The following HELZ variants were observed in gnomAD, a reference collection of about 807,000 sequenced individuals.
HELZ encodes the protein ATP-dependent RNA helicase with zinc finger domain.
A neutral mutation model predicts 218.2 loss-of-function variants in HELZ; 23 were observed. That is an observed-to-expected ratio of 0.11 (90% CI 0.08 to 0.15). The LOEUF is 0.15. Ranked by LOEUF, HELZ falls within the 10% of genes least tolerant of loss-of-function variation. HELZ has a pLI of 1.00. For synonymous variants in HELZ, 814 were observed against 829.4 expected, an observed-to-expected ratio of 0.98 and a Z score of 0.32; for missense variants, 1,813 against 2,353.7, an observed-to-expected ratio of 0.77 and a Z score of 4.75.
chr17:67,169,017 A>G (rs527426927), intron 13 of HELZ, among the ~76,000 whole-genome samples: 1 of 152,208 alleles, frequency 6.6e-6, no homozygotes, highest in African/African-American at 2.4e-5. Context: ...ACTTGAACCC[A>G]GGAGGTGGAG....
At chr17:67,123,216 A>G in intron 25 of HELZ, 56 bp from the exon 26 acceptor site, 1 of 994,896 alleles carries the variant, frequency 1.0e-6, no homozygotes, top group Non-Finnish European at 1.4e-6. Context: ...TCATCCAGAA[A>G]AAATAATTTA....
intron 3 of HELZ, among the ~76,000 whole-genome samples, chr17:67,234,157 T>C (rs897193759): frequency 2.6e-5 from 4 of 151,018 alleles, no homozygotes; most frequent in African/African-American, 9.7e-5. Context: ...CCCCCATCTC[T>C]ACAAAAAATA....
At chr17:67,189,361 T>C (rs144043942) in intron 11 of HELZ, among the ~76,000 whole-genome samples, 29 of 152,266 alleles carry the variant, frequency 1.9e-4, no homozygotes, top group African/African-American at 5.8e-4. Context: ...AATAAATAAA[T>C]ATGAAAGCAC....
chr17:67,107,503 T>C lies in HELZ; in HGVS notation c.4907A>G (p.Asp1636Gly), dbSNP rs763980717. The change falls in exon 31 of 33, where the codon GAT (aspartate) becomes GGT (glycine). Residue 1636 changes from aspartate (D) to glycine (G), a missense_variant. Around this residue, in one of 4 missense-constraint regions of HELZ, gnomAD observed 938 missense variants for 1,027.5 expected, o/e 0.91. Transcript: ENST00000358691. ...DHSSHFSNFNDNSRDIEVASN... is the reference protein window; with the variant it reads ...DHSSHFSNFNGNSRDIEVASN... ...GGCTACTTCAATGTCTCTGCTGTTA[T>C]CATTAAAGTTAGAAAAGTGGCTACT... 11 of 1,614,044 alleles carry C rather than the reference T, an allele frequency of 6.8e-6. No homozygotes were observed. The highest frequency in any genetic ancestry group is 5.0e-5 in the Admixed American group (3 of 60,010).
At chr17:67,085,012 A>G (rs1163483980) in intron 32 of HELZ, among the ~76,000 whole-genome samples, 1 of 152,164 alleles carries the variant, frequency 6.6e-6, no homozygotes, top group Non-Finnish European at 1.5e-5. Flanking sequence ...AGGCTGAGGC[A>G]GGAGGAATCG....
chr17:67,121,380 C>G (rs1300434224), intron 26 of HELZ, among the ~76,000 whole-genome samples: 1 of 152,166 alleles, frequency 6.6e-6, no homozygotes, highest in Non-Finnish European at 1.5e-5. Flanking sequence ...CTATTTAAAG[C>G]AGATGATGTA....
chr17:67,166,508 A>G lies in HELZ; in HGVS notation c.1865T>C (p.Met622Thr), dbSNP rs1258982869. 6.2e-7 allele frequency: 1 copy of G among 1,613,398 alleles called. No individual in the cohort carries two copies. Among genetic ancestry groups the G allele is most frequent in the Admixed American group, 1.7e-5 (1 of 60,014 alleles). The change falls in exon 15 of 33, where the codon ATG becomes ACG. Residue 622 changes from methionine (M) to threonine (T), a missense_variant. By Grantham distance (81) the Met-to-Thr change is moderately conservative. Coordinates refer to ENST00000358691, the MANE Select transcript of HELZ (RefSeq NM_014877.4). ...AGGACTCCATGGTATGGTGGGAGTC[A>G]TACTGATGTCTGGAAACAAAACCCC... ...DNGVLFPDIS[M>T]TPTIPWSPNR...
At chr17:67,150,219 C>G (rs1400479968) in intron 18 of HELZ, 2 of 294,544 alleles carry the variant, frequency 6.8e-6, no homozygotes, top group Non-Finnish European at 1.2e-5. Flanking sequence ...CTCACTGTAG[C>G]CTCGGGCTCA....
chr17:67,185,947 GTTAGAAATA>G (rs1363734901), intron 12 of HELZ, among the ~76,000 whole-genome samples: 7 of 152,122 alleles, frequency 4.6e-5, no homozygotes, highest in African/African-American at 1.4e-4. Context: ...AAACTAATAT[GTTAGAAATA>G]TCAGAAAGGA....
intron 2 of HELZ, among the ~76,000 whole-genome samples, chr17:67,242,305 G>A (rs1043391800): frequency 1.5e-4 from 23 of 151,844 alleles, no homozygotes; most frequent in Admixed American, 6.6e-4. Context: ...ATCCCTACTC[G>A]GGAAGCTGAG....
chr17:67,233,507 A>G (rs1228983463), intron 3 of HELZ, among the ~76,000 whole-genome samples: 1 of 152,206 alleles, frequency 6.6e-6, no homozygotes, highest in Non-Finnish European at 1.5e-5. Context: ...AGCAGAGAGA[A>G]AAGTCATGGA....
intron 16 of HELZ, 42 bp downstream of exon 16, chr17:67,160,855 T>C: frequency 7.2e-7 from 1 of 1,388,746 alleles, no homozygotes; most frequent in East Asian, 2.4e-5. Flanking sequence ...ACAGAGGTAG[T>C]ATCCTACCAG....
Position 67,078,177 on chromosome 17 carries a change from T to A in HELZ, c.*75A>T, listed in dbSNP as rs975227501. 13 of 995,830 alleles carry A rather than the reference T, an allele frequency of 1.3e-5. No homozygotes were observed. The highest frequency in any genetic ancestry group is 1.7e-5 in the Non-Finnish European group (11 of 643,642). The allele number at this position is 995,830 out of a possible 1,614,324, so 61.7% of individuals were successfully genotyped here. The stretch of plus-strand genomic sequence containing the variant: ...ACAAAGGGAACTGTGCATCTATAGA[T>A]GAAGTCCAACTACCTTAATTCTACT... On this transcript the variant is annotated 3_prime_UTR_variant, in exon 33 of 33. Transcript: ENST00000358691.
chr17:67,107,532 G>A lies in HELZ; in HGVS notation c.4878C>T (p.Asp1626=). Residue 1626 remains aspartate, a synonymous_variant, in exon 31 of 33, where the codon GAC becomes GAT. Coordinates refer to ENST00000358691, the MANE Select transcript of HELZ (RefSeq NM_014877.4). Reference sequence around the variant, plus strand: ...TAAAGTTAGAAAAGTGGCTACTGTGGTCTGTACTGGATGGGGGAGATGGGA... The same window carrying A: ...TAAAGTTAGAAAAGTGGCTACTGTGATCTGTACTGGATGGGGGAGATGGGA... ...PAVPSPPSST[D]HSSHFSNFND... 1 of 1,614,202 alleles carries A rather than the reference G, an allele frequency of 6.2e-7. No individual in the cohort carries two copies. Among genetic ancestry groups the A allele is most frequent in the Non-Finnish European group, 8.5e-7 (1 of 1,180,028 alleles).
At position 67,096,168 on chromosome 17, in the gene HELZ, AG is replaced by A. The variant is rs1350728298; in HGVS notation, c.5242-9088del. On this transcript the variant is annotated intron_variant, in intron 31 of 32. Coordinates refer to ENST00000358691, the MANE Select transcript of HELZ (RefSeq NM_014877.4). The stretch of plus-strand genomic sequence containing the variant: ...CTCCCCCGCCCACCAGCAAAGCAGT[AG>A]GTCTCAATAGTGGGTTTAAAACATG... Among the ~76,000 whole-genome samples the A allele has an allele frequency of 9.3e-5, 12 of 129,626 alleles. No homozygotes were observed. The Admixed American group carries it at 1.1e-3, about 12-fold the overall frequency. The allele number at this position is 129,626 out of a possible 152,430, so 85.0% of individuals were successfully genotyped here.
intron 26 of HELZ, 35 bp from the exon 27 acceptor site, chr17:67,120,647 T>C: frequency 1.3e-6 from 2 of 1,517,990 alleles, no homozygotes; most frequent in East Asian, 2.3e-5. Flanking sequence ...ATGCATTAAG[T>C]ATATTTTGGA....
chr17:67,104,100 C>A (rs1167421775), intron 31 of HELZ, among the ~76,000 whole-genome samples: 2 of 151,994 alleles, frequency 1.3e-5, no homozygotes, highest in Admixed American at 6.6e-5. Flanking sequence ...TCAAAATGGA[C>A]CAAAGAACTA....
At chr17:67,209,633 C>T (rs1419509145) in intron 5 of HELZ, among the ~76,000 whole-genome samples, 1 of 152,118 alleles carries the variant, frequency 6.6e-6, no homozygotes, top group Non-Finnish European at 1.5e-5. Flanking sequence ...CTGAAGTATA[C>T]ACAAGTAGTA....
chr17:67,145,654 T>C, intron 21 of HELZ, 89 bp downstream of exon 21: 4 of 1,021,058 alleles, frequency 3.9e-6, no homozygotes, highest in Non-Finnish European at 5.9e-6. Context: ...TGCAATACAA[T>C]GTCAACCCAA....
Sources: gnomAD v4.1 joint callset for allele counts (sites outside exome capture counted in the v4.1 genomes callset) on GRCh38, gnomAD v4.1.1 for gene constraint, gnomAD v4.1.1 regional missense constraint, MANE v1.5 for transcripts, NCBI Gene and HGNC (gene_info 2026-07-23, HGNC 2026-07-21) for gene names.